CDH18: variants seen among roughly 807,000 people sequenced by gnomAD.
The protein encoded by CDH18 is cadherin-18.
In CDH18, 31 loss-of-function variants were observed where a neutral mutation model predicts 67.9. The observed-to-expected ratio is 0.46, with a 90% CI of 0.34 to 0.62. The LOEUF is 0.62. CDH18 is among the 20% of genes least tolerant of loss of function. The probability of loss-of-function intolerance (pLI) is 0.01; values close to 1 mark genes in which losing one functional copy is unlikely to be tolerated. For synonymous variants in CDH18, 362 were observed against 347.2 expected (o/e 1.04, Z -0.48); for missense variants, 890 against 975.5 (o/e 0.91, Z 1.17).
upstream of CDH18, among the ~76,000 whole-genome samples, chr5:19,990,734 T>C (rs952575448): frequency 2.6e-5 from 4 of 152,066 alleles, no homozygotes; most frequent in African/African-American, 9.7e-5. Flanking sequence ...AGCCACTTAG[T>C]GCATCTCTTG....
chr5:20,030,865 A>G (rs1739334815), intron 2 of CDH18, among the ~76,000 whole-genome samples: 2 of 152,154 alleles, frequency 1.3e-5, no homozygotes, highest in South Asian at 4.1e-4. Flanking sequence ...TTGTGCAGAT[A>G]TTATGAAATG....
rs548852559 is a variant in CDH18 at position 20,134,021 on chromosome 5, A to G, written c.-518+121423T>C. On this transcript the variant is annotated intron_variant, in intron 2 of 14. Transcript: ENST00000507958. ...TTTGAGACAGTCTTGCTGGAGTGCA[A>G]TGGCACACTCTCAGCTTGCTTCACT... Among the ~76,000 whole-genome samples, 4 of 152,166 alleles carry G rather than the reference A, an allele frequency of 2.6e-5. 1 individual carries two copies. Among genetic ancestry groups the G allele is most frequent in the East Asian group, 3.9e-4 (2 of 5,170 alleles).
At chr5:20,025,473 C>T (rs1222844410) in intron 2 of CDH18, among the ~76,000 whole-genome samples, 1 of 152,084 alleles carries the variant, frequency 6.6e-6, no homozygotes, top group African/African-American at 2.4e-5. Flanking sequence ...CAATTGGTCA[C>T]ATTTCCATCT....
intron 2 of CDH18, among the ~76,000 whole-genome samples, chr5:19,979,890 A>G (rs1026671315): frequency 6.6e-6 from 1 of 152,132 alleles, no homozygotes; most frequent in Non-Finnish European, 1.5e-5. Flanking sequence ...TCCCTCTGAG[A>G]ACTGCAACAA....
intron 10 of CDH18, among the ~76,000 whole-genome samples, chr5:19,508,887 C>T (rs1219658616): frequency 3.0e-5 from 4 of 133,102 alleles, no homozygotes; most frequent in Admixed American, 1.6e-4. Context: ...TTTTTTGTGG[C>T]AGAGACTCAC....
intron 2 of CDH18, among the ~76,000 whole-genome samples, chr5:20,012,256 T>G (rs2150416912): frequency 6.6e-6 from 1 of 152,122 alleles, no homozygotes; most frequent in South Asian, 2.1e-4. Context: ...GTTGGTTGTA[T>G]TTCTGTGTGG....
At chr5:19,868,671 T>C (rs1049254257) in intron 2 of CDH18, among the ~76,000 whole-genome samples, 1 of 152,142 alleles carries the variant, frequency 6.6e-6, no homozygotes, top group African/African-American at 2.4e-5. Context: ...CTTAGGGACA[T>C]CCCTCAATAT....
chr5:19,587,375 C>A (rs144785836), intron 7 of CDH18, among the ~76,000 whole-genome samples: 1 of 152,178 alleles, frequency 6.6e-6, no homozygotes, highest in East Asian at 1.9e-4. Context: ...GTGCCTATGT[C>A]CTGAAAGGTA....
chr5:19,994,847 T>TAGAGAGAG lies in CDH18; in HGVS notation c.-517-2834_-517-2833insCTCTCTCT, dbSNP rs1270960698. On this transcript the variant is annotated intron_variant, in intron 2 of 14. Coordinates refer to the CDH18 transcript ENST00000507958. ...TAAAGAGAATATATATATATATATA[T>TAGAGAGAG]ATATATATAGAGAGAGAGAGAGAGA... 1.9e-3 allele frequency among the ~76,000 whole-genome samples: 60 copies of TAGAGAGAG among 32,168 alleles called. 10 individuals are homozygous for TAGAGAGAG. Among genetic ancestry groups the TAGAGAGAG allele is most frequent in the African/African-American group, 3.9e-3 (26 of 6,702 alleles). The allele number at this position is 32,168 out of a possible 152,430, so 21.1% of individuals were successfully genotyped here. A position where few individuals can be genotyped will look rare whatever the true frequency, so the allele number is the denominator to read the frequency against.
chr5:20,201,495 GT>G (rs149554399), intron 2 of CDH18, among the ~76,000 whole-genome samples: 2 of 149,984 alleles, frequency 1.3e-5, no homozygotes, highest in East Asian at 2.0e-4. Context: ...AGAGTGAAGT[GT>G]TTTTTTTTGT....
intron 1 of CDH18, among the ~76,000 whole-genome samples, chr5:20,306,587 T>C (rs1190214198): frequency 6.6e-6 from 1 of 152,188 alleles, no homozygotes; most frequent in Non-Finnish European, 1.5e-5. Context: ...TTGAATAAAT[T>C]GAAATTTAAA....
At chr5:20,504,080 C>T (rs1754510037) in intron 1 of CDH18, among the ~76,000 whole-genome samples, 1 of 151,152 alleles carries the variant, frequency 6.6e-6, no homozygotes, top group Admixed American at 6.6e-5. Context: ...ACTGCTGCTA[C>T]AAAATTATTT....
chr5:20,361,329 A>T (rs1176984571), intron 1 of CDH18, among the ~76,000 whole-genome samples: 1 of 152,030 alleles, frequency 6.6e-6, no homozygotes, highest in African/African-American at 2.4e-5. Context: ...TAGCTATTAA[A>T]CAGTGATTTA....
rs188513530 is a variant in CDH18 at position 20,137,223 on chromosome 5, C to A, written c.-518+118221G>T. ...CCCTGTCACTTTCAGGTACACCAGT[C>A]CGATGTAGACTTGCTCTTTTCACAT... On this transcript the variant is annotated intron_variant, in intron 2 of 14. Coordinates refer to the CDH18 transcript ENST00000507958. Among the ~76,000 whole-genome samples, 38 of 152,230 alleles carry A rather than the reference C, an allele frequency of 2.5e-4. No homozygotes were observed. In the East Asian group the frequency reaches 7.1e-3, roughly 29 times the overall value.
intron 5 of CDH18, among the ~76,000 whole-genome samples, chr5:19,661,130 G>GA (rs996482061): frequency 1.4e-4 from 20 of 146,746 alleles, no homozygotes; most frequent in Admixed American, 2.7e-4. Flanking sequence ...ATTAGGCTTT[G>GA]AAAAAAAAAA....
intron 6 of CDH18, among the ~76,000 whole-genome samples, chr5:19,607,276 TA>T (rs974383335): frequency 2.5e-4 from 38 of 151,514 alleles, no homozygotes; most frequent in African/African-American, 8.2e-4. Flanking sequence ...ATTACTGTCT[TA>T]AAAAATAATG....
chr5:19,782,152 T>C (rs1370909480), intron 3 of CDH18, among the ~76,000 whole-genome samples: 2 of 152,262 alleles, frequency 1.3e-5, no homozygotes, highest in East Asian at 3.9e-4. Flanking sequence ...AGACGTTTAA[T>C]TTACTCATAG....
intron 1 of CDH18, among the ~76,000 whole-genome samples, chr5:20,491,819 A>G (rs1753603976): frequency 6.6e-6 from 1 of 152,212 alleles, no homozygotes; most frequent in Non-Finnish European, 1.5e-5. Flanking sequence ...ATATCTGGAC[A>G]CTACTGCCTA....
chr5:20,501,000 G>A (rs1754215403), intron 1 of CDH18, among the ~76,000 whole-genome samples: 1 of 152,044 alleles, frequency 6.6e-6, no homozygotes, highest in Non-Finnish European at 1.5e-5. Flanking sequence ...AACTGACCTT[G>A]GACTAGCAAC....
Sources: gnomAD v4.1 joint callset for allele counts (sites outside exome capture counted in the v4.1 genomes callset) on GRCh38, gnomAD v4.1.1 for gene constraint, MANE v1.5 for transcripts, NCBI Gene and HGNC (gene_info 2026-07-23, HGNC 2026-07-21) for gene names.